PITPNC1: variants seen among roughly 807,000 people sequenced by gnomAD.
PITPNC1 encodes phosphatidylinositol transfer protein cytoplasmic 1, also known as cytoplasmic phosphatidylinositol transfer protein 1.
PITPNC1 carries 18 observed loss-of-function variants against 44.7 expected under a neutral mutation model. That is an observed-to-expected ratio of 0.40 (90% confidence interval 0.28 to 0.60). The LOEUF (loss-of-function observed/expected upper bound fraction) is 0.60, where lower values mean the gene tolerates loss of function less well. Among genes scored for constraint, PITPNC1 ranks in the 20% least tolerant of loss-of-function variants. The probability of loss-of-function intolerance (pLI) is 0.39; values close to 1 mark genes in which losing one functional copy is unlikely to be tolerated. For synonymous variants in PITPNC1, 141 were observed against 149.6 expected (o/e 0.94, Z 0.42); for missense variants, 290 against 418.4 (o/e 0.69, Z 2.68).
intron 1 of PITPNC1, among the ~76,000 whole-genome samples, chr17:67,472,332 TAAAAAAAAAAAAAAAAAAAAA>T (rs751090662): frequency 2.4e-5 from 1 of 41,364 alleles, no homozygotes; most frequent in South Asian, 1.6e-3. Context: ...GCTGTTGAGC[TAAAAAAAAAAAAAAAAAAAAA>T]AAAAAAAAAA....
intron 1 of PITPNC1, among the ~76,000 whole-genome samples, chr17:67,485,339 T>C (rs1023668439): frequency 5.3e-5 from 8 of 151,710 alleles, no homozygotes; most frequent in African/African-American, 1.9e-4. Flanking sequence ...TGAACTAGAA[T>C]TGTGTACTGA....
chr17:67,643,430 C>T (rs143724242), intron 6 of PITPNC1, among the ~76,000 whole-genome samples: 1 of 152,290 alleles, frequency 6.6e-6, no homozygotes, highest in African/African-American at 2.4e-5. Context: ...CACCCTATCA[C>T]CCTATATCCC....
intron 5 of PITPNC1, among the ~76,000 whole-genome samples, chr17:67,605,423 G>A (rs966452114): frequency 6.6e-6 from 1 of 152,216 alleles, no homozygotes; most frequent in African/African-American, 2.4e-5. Flanking sequence ...CCGCTGTCCA[G>A]CCTGGGAACA....
intron 1 of PITPNC1, among the ~76,000 whole-genome samples, chr17:67,475,932 G>T (rs911024690): frequency 1.3e-5 from 2 of 152,078 alleles, no homozygotes; most frequent in Admixed American, 1.3e-4. Context: ...GGTCTCTAAC[G>T]TAAAAAAACC....
intron 1 of PITPNC1, among the ~76,000 whole-genome samples, chr17:67,460,768 G>T (rs1411881735): frequency 1.6e-5 from 2 of 127,114 alleles, no homozygotes; most frequent in African/African-American, 3.0e-5. Flanking sequence ...TTTTTGAGAC[G>T]GAGCCTGGCT....
chr17:67,507,420 C>T (rs1372020507), intron 1 of PITPNC1, among the ~76,000 whole-genome samples: 4 of 152,064 alleles, frequency 2.6e-5, no homozygotes, highest in African/African-American at 9.7e-5. Context: ...CATGGTGGCT[C>T]ACACCTGTAA....
chr17:67,574,393 G>A (rs1435453533), intron 4 of PITPNC1, among the ~76,000 whole-genome samples: 1 of 152,202 alleles, frequency 6.6e-6, no homozygotes, highest in Admixed American at 6.5e-5. Context: ...GGAAAGGGAT[G>A]TGTCAGTGTT....
At chr17:67,465,072 A>G (rs1222152288) in intron 1 of PITPNC1, among the ~76,000 whole-genome samples, 1 of 152,220 alleles carries the variant, frequency 6.6e-6, no homozygotes, top group Non-Finnish European at 1.5e-5. Context: ...GTGCCCCAGA[A>G]TCAAGCACTT....
At chr17:67,417,361 C>G (rs1300336047) in intron 1 of PITPNC1, among the ~76,000 whole-genome samples, 1 of 151,986 alleles carries the variant, frequency 6.6e-6, no homozygotes, top group Non-Finnish European at 1.5e-5. Flanking sequence ...AACTCCTGGC[C>G]TCAAGCGATC....
At chr17:67,533,978 T>G (rs1267943374) in intron 2 of PITPNC1, among the ~76,000 whole-genome samples, 1 of 152,074 alleles carries the variant, frequency 6.6e-6, no homozygotes, top group Non-Finnish European at 1.5e-5. Flanking sequence ...CACTGCAACC[T>G]CCGCCTCCTG....
In PITPNC1 at chr17:67,434,521, G is replaced by A. The variant is rs35313832; in HGVS notation, c.48+56319G>A. Among the ~76,000 whole-genome samples, 1,463 of 152,234 alleles carry A rather than the reference G, an allele frequency of 9.6e-3. 13 individuals are homozygous for A. Among genetic ancestry groups the A allele is most frequent in the Non-Finnish European group, 0.014 (968 of 68,006 alleles). On this transcript the variant is annotated intron_variant, in intron 1 of 8. Transcript: ENST00000581322. ...GGGGCAGGCTGTGCTTTAGAAGCCC[G>A]GAGCTCAGGCTGGGCGCGGTGGCTC...
intron 5 of PITPNC1, among the ~76,000 whole-genome samples, chr17:67,614,397 A>C (rs2041730539): frequency 6.6e-6 from 1 of 152,104 alleles, no homozygotes. Context: ...TTGGCCAGGC[A>C]CGGTGGTTCA....
rs147484520 is a variant in PITPNC1, at chr17:67,511,709, A to C, written c.49-21093A>C. Among the ~76,000 whole-genome samples, 913 of 152,184 alleles carry C rather than the reference A, an allele frequency of 6.0e-3. 13 individuals carry two copies. The highest frequency in any genetic ancestry group is 0.021 in the African/African-American group (879 of 41,500). On this transcript the variant is annotated intron_variant, in intron 1 of 8. Coordinates refer to ENST00000581322, the MANE Select transcript of PITPNC1 (RefSeq NM_012417.4). Reference sequence around the variant, plus strand: ...TTTTTAGTAGAGATGAGGTTTCAGCATGTTGGCCAAGCTGGTCTCGAACTC... The same window carrying C: ...TTTTTAGTAGAGATGAGGTTTCAGCCTGTTGGCCAAGCTGGTCTCGAACTC...
chr17:67,435,667 C>A (rs1452502203), intron 1 of PITPNC1, among the ~76,000 whole-genome samples: 1 of 152,210 alleles, frequency 6.6e-6, no homozygotes. Flanking sequence ...GCTTGACCAA[C>A]ATGGTGAAAC....
At chr17:67,445,946 A>ATT (rs140499065) in intron 1 of PITPNC1, among the ~76,000 whole-genome samples, 4 of 150,508 alleles carry the variant, frequency 2.7e-5, no homozygotes, top group Non-Finnish European at 5.9e-5. Context: ...TTTTTTTTGT[A>ATT]TTTTTTTTGG....
At chr17:67,407,138 G>A (rs1196097706) in intron 1 of PITPNC1, among the ~76,000 whole-genome samples, 1 of 152,082 alleles carries the variant, frequency 6.6e-6, no homozygotes, top group African/African-American at 2.4e-5. Context: ...TACAGTGTAC[G>A]ATGGTTCCAA....
At chr17:67,379,651 A>C (rs1319237623) in intron 1 of PITPNC1, among the ~76,000 whole-genome samples, 1 of 152,198 alleles carries the variant, frequency 6.6e-6, no homozygotes, top group Non-Finnish European at 1.5e-5. Flanking sequence ...GAGAAAGAGA[A>C]GGGCAAATGA....
intron 1 of PITPNC1, among the ~76,000 whole-genome samples, chr17:67,486,139 G>A (rs1454976928): frequency 6.6e-6 from 1 of 152,040 alleles, no homozygotes; most frequent in East Asian, 1.9e-4. Flanking sequence ...TTCCTGACAT[G>A]TACTCAGAAA....
chr17:67,650,349 A>G (rs1292150286), intron 6 of PITPNC1, among the ~76,000 whole-genome samples: 1 of 149,106 alleles, frequency 6.7e-6, no homozygotes, highest in African/African-American at 2.5e-5. Flanking sequence ...TCCTTCCTTG[A>G]CTTTCCTCTG....
Sources: gnomAD v4.1 joint callset for allele counts (sites outside exome capture counted in the v4.1 genomes callset) on GRCh38, gnomAD v4.1.1 for gene constraint, MANE v1.5 for transcripts, NCBI Gene and HGNC (gene_info 2026-07-23, HGNC 2026-07-21) for gene names.